ZNF185: variants seen among roughly 807,000 people sequenced by gnomAD.
The protein encoded by ZNF185 is zinc finger protein 185.
Under a neutral mutation model 58.6 loss-of-function variants are expected in ZNF185, and 56 were observed. The observed-to-expected ratio is 0.95, with a 90% CI of 0.77 to 1.19. The LOEUF is 1.19. Ranked by LOEUF, ZNF185 falls within the 50% of genes most tolerant of loss-of-function variation. The probability of loss-of-function intolerance (pLI) is 0.00; values close to 1 mark genes in which losing one functional copy is unlikely to be tolerated. For synonymous variants in ZNF185, 230 were observed against 215.9 expected, an observed-to-expected ratio of 1.07 and a Z score of -0.57; for missense variants, 627 against 573.5, an observed-to-expected ratio of 1.09 and a Z score of -0.95.
chrX:152,961,178 G>C (rs1245822121), intron 17 of ZNF185, among the ~76,000 whole-genome samples: 1 of 111,836 alleles, frequency 8.9e-6, no homozygotes, highest in Non-Finnish European at 1.9e-5. Flanking sequence ...TCCTCATCTT[G>C]TCCCTGCCAA....
intron 17 of ZNF185, among the ~76,000 whole-genome samples, chrX:152,960,624 A>G (rs6653449): frequency 0.018 from 2,056 of 112,242 alleles, 52 homozygotes; most frequent in African/African-American, 0.063. Flanking sequence ...CCAATTTTGA[A>G]ATCCTAGGTG....
intron 15 of ZNF185, 51 bp from the exon 18 acceptor site, chrX:152,945,216 C>T: frequency 2.6e-6 from 3 of 1,145,128 alleles, no homozygotes; most frequent in Admixed American, 2.6e-5. Context: ...GGGGCTGAGG[C>T]AGGGTTAGTT....
chrX:152,961,670 G>C (rs990452665), intron 17 of ZNF185, among the ~76,000 whole-genome samples: 8 of 112,413 alleles, frequency 7.1e-5, no homozygotes, highest in African/African-American at 2.6e-4. Context: ...CCCTCAAAGA[G>C]CACATAGTCC....
chrX:152,910,318 T>C (rs782743579), upstream of ZNF185, among the ~76,000 whole-genome samples: 3 of 112,483 alleles, frequency 2.7e-5, no homozygotes, highest in African/African-American at 6.5e-5. Flanking sequence ...AGATACACGT[T>C]CATGACAGGA....
intron 22 of ZNF185, 75 bp downstream of exon 24, chrX:152,970,616 G>A: frequency 1.4e-5 from 13 of 932,111 alleles, no homozygotes; most frequent in Non-Finnish European, 2.0e-5. Context: ...GGTCTCTCCT[G>A]GAGTCTCAGC....
chrX:152,942,067 T>G (rs180930041), intron 15 of ZNF185, among the ~76,000 whole-genome samples: 49 of 106,487 alleles, frequency 4.6e-4, no homozygotes, highest in Non-Finnish European at 8.7e-4. Flanking sequence ...CCAACCACGC[T>G]GGGCCCTCGG....
At chrX:152,942,092 G>C (rs937693518) in intron 15 of ZNF185, among the ~76,000 whole-genome samples, 5 of 92,454 alleles carry the variant, frequency 5.4e-5, no homozygotes, top group Admixed American at 2.3e-4. Context: ...ACCGGGGCTG[G>C]TCTGTGGGGC....
At chrX:152,931,556 C>A in intron 12 of ZNF185, 116 bp from the exon 14 acceptor site, 1 of 583,378 alleles carries the variant, frequency 1.7e-6, no homozygotes, top group Non-Finnish European at 2.6e-6. Context: ...CTGCACCCGG[C>A]CCAGTAGCAG....
At chrX:152,903,388 C>CAAAAAA in the ZNF185 span, among the ~76,000 whole-genome samples, 34 of 35,819 alleles carry the variant, frequency 9.5e-4, no homozygotes, top group Admixed American at 1.2e-3. Context: ...AGACTCGTCT[C>CAAAAAA]AAAAAAAAAA....
At chrX:152,903,435 G>C in the ZNF185 span, among the ~76,000 whole-genome samples, 1 of 88,750 alleles carries the variant, frequency 1.1e-5, no homozygotes, top group South Asian at 5.6e-4. Flanking sequence ...AAAAAAGAAA[G>C]AAAGAAAGTA....
At position 152,917,099 on chromosome X, in the gene ZNF185, C is replaced by T. The variant is rs782342405; in HGVS notation, c.225-32C>T. Reference sequence around the variant, plus strand: ...ATGACCTCAGCCCTCCAGCAAGCCTCGCTTCACTCCACCCCTTCTTCTCTT... The same window carrying T: ...ATGACCTCAGCCCTCCAGCAAGCCTTGCTTCACTCCACCCCTTCTTCTCTT... On this transcript the variant is annotated intron_variant, in intron 3 of 22. Coordinates refer to ENST00000449285, the Ensembl canonical transcript of ZNF185. The T allele has an allele frequency of 2.8e-5, 34 of 1,209,767 alleles. No individual in the cohort carries two copies. In the East Asian group the frequency reaches 4.4e-4, roughly 16 times the overall value.
intron 17 of ZNF185, 129 bp downstream of exon 19, chrX:152,960,025 C>A: frequency 1.6e-6 from 1 of 640,742 alleles, no homozygotes; most frequent in Non-Finnish European, 2.3e-6. Flanking sequence ...TGGTTAGGAG[C>A]CAGAGGGAAG....
At chrX:152,971,230 G>C (rs1273334461) in intron 22 of ZNF185, 44 bp from the exon 25 acceptor site, 8 of 111,392 alleles carry the variant, frequency 7.2e-5, no homozygotes, top group African/African-American at 2.6e-4. Context: ...AGGGCCTCTA[G>C]CTGATGTGTT....
chrX:152,914,505 C>T, exon 1 of ZNF185: 1 of 1,185,561 alleles, frequency 8.4e-7, no homozygotes, highest in Non-Finnish European at 1.1e-6. Context: ...TATCTCAGCT[C>T]TTGGAGGCCG....
the ZNF185 span, among the ~76,000 whole-genome samples, chrX:152,908,126 A>G: frequency 1.0e-3 from 118 of 112,789 alleles, no homozygotes; most frequent in African/African-American, 3.8e-3. Flanking sequence ...TGTCACAGCC[A>G]TGTGAGGCCA....
Position 152,938,065 on chromosome X carries a change from C to G in ZNF185, c.1122-9C>G. ...TGAGATCTCAGCAGGCCTGTGTTTC[C>G]TTCCTCAGCTCCAGTGCCACTTCAG... On this transcript the variant is annotated splice_polypyrimidine_tract_variant and intron_variant, in intron 14 of 22. Coordinates refer to ENST00000449285, the Ensembl canonical transcript of ZNF185. The G allele has an allele frequency of 8.5e-7, 1 of 1,172,834 alleles. No homozygotes were observed.
the ZNF185 span, among the ~76,000 whole-genome samples, chrX:152,906,486 C>G: frequency 1.8e-5 from 2 of 113,343 alleles, no homozygotes; most frequent in African/African-American, 6.4e-5. Flanking sequence ...CAGTGGGCAG[C>G]CCAAGTCTTG....
chrX:152,928,434 C>A (rs1360301066), intron 11 of ZNF185, 141 bp from the exon 13 acceptor site: 2 of 596,228 alleles, frequency 3.4e-6, no homozygotes, highest in Non-Finnish European at 5.3e-6. Context: ...GCTGCAGCAC[C>A]AACAAGGCTC....
At chrX:152,957,187 C>T (rs1351915931) in intron 16 of ZNF185, among the ~76,000 whole-genome samples, 2 of 108,685 alleles carry the variant, frequency 1.8e-5, no homozygotes, top group African/African-American at 3.4e-5. Context: ...CCTGCCTCAG[C>T]CTCTGGAGCA....
Sources: gnomAD v4.1 joint callset for allele counts (sites outside exome capture counted in the v4.1 genomes callset) on GRCh38, gnomAD v4.1.1 for gene constraint, MANE v1.5 for transcripts, NCBI Gene and HGNC (gene_info 2026-07-23, HGNC 2026-07-21) for gene names.